Variants in GALNTL6 observed in about 807,000 individuals in gnomAD.
GALNTL6 encodes polypeptide N-acetylgalactosaminyltransferase-like 6.
In GALNTL6, 46 loss-of-function variants were observed where a neutral mutation model predicts 73.7. The ratio of observed to expected loss-of-function variants is 0.62; its 90% CI spans 0.49 to 0.80. The LOEUF is 0.80. GALNTL6 is among the 30% of genes least tolerant of loss of function. The probability of loss-of-function intolerance (pLI) is 0.00; values close to 1 mark genes in which losing one functional copy is unlikely to be tolerated. For missense variants in GALNTL6, 604 were observed against 755.0 expected, an observed-to-expected ratio of 0.80 and a Z score of 2.34; for synonymous variants, 259 against 263.7, an observed-to-expected ratio of 0.98 and a Z score of 0.17.
At chr4:172,528,560 T>G (rs1007450034) in intron 5 of GALNTL6, among the ~76,000 whole-genome samples, 2 of 151,268 alleles carry the variant, frequency 1.3e-5, no homozygotes, top group Non-Finnish European at 2.9e-5. Context: ...TTAGCCAGGA[T>G]GGTCTCGATC....
intron 10 of GALNTL6, among the ~76,000 whole-genome samples, chr4:173,006,855 T>C (rs1024884010): frequency 2.0e-5 from 3 of 152,240 alleles, no homozygotes; most frequent in Non-Finnish European, 2.9e-5. Flanking sequence ...TTCAAAAATG[T>C]CCACCACTTT....
At chr4:172,271,180 T>G (rs1738636752) in intron 3 of GALNTL6, among the ~76,000 whole-genome samples, 1 of 152,172 alleles carries the variant, frequency 6.6e-6, no homozygotes, top group Admixed American at 6.5e-5. Context: ...AAAATATCTT[T>G]ACATGTTATA....
intron 3 of GALNTL6, among the ~76,000 whole-genome samples, chr4:172,239,395 T>G (rs993858018): frequency 6.6e-6 from 1 of 152,232 alleles, no homozygotes; most frequent in Non-Finnish European, 1.5e-5. Flanking sequence ...GTCTTTGTAG[T>G]AGTCTCTGAA....
rs1178990832 is a variant in GALNTL6, at chr4:172,509,709, G to A, written c.553+161020G>A. Among the ~76,000 whole-genome samples the A allele has an allele frequency of 7.3e-5, 4 of 54,528 alleles. 2 individuals are homozygous for A. Among genetic ancestry groups the A allele is most frequent in the South Asian group, 3.7e-3 (2 of 546 alleles). The allele number at this position is 54,528 out of a possible 152,430, so 35.8% of individuals were successfully genotyped here. ...ATTTGTTGAGTAGGGTGTCCTTTCT[G>A]CACTTAATGTTTTTATTTGCTTTGT... On this transcript the variant is annotated intron_variant, in intron 5 of 12. Transcript: ENST00000506823.
At chr4:171,907,825 C>T (rs1227781094) in intron 2 of GALNTL6, among the ~76,000 whole-genome samples, 1 of 151,788 alleles carries the variant, frequency 6.6e-6, no homozygotes, top group Non-Finnish European at 1.5e-5. Flanking sequence ...GAACAGAGCC[C>T]TCAGAAATAA....
At chr4:171,822,739 G>A (rs1180168394) in intron 2 of GALNTL6, among the ~76,000 whole-genome samples, 3 of 152,118 alleles carry the variant, frequency 2.0e-5, no homozygotes, top group African/African-American at 7.2e-5. Context: ...AGGGAAATAA[G>A]CAATTAAACC....
intron 5 of GALNTL6, among the ~76,000 whole-genome samples, chr4:172,430,851 T>C (rs967754571): frequency 6.6e-6 from 1 of 152,030 alleles, no homozygotes; most frequent in African/African-American, 2.4e-5. Flanking sequence ...ATAGGGAAAA[T>C]TATTTTATGA....
At chr4:172,156,540 A>AATATATAT (rs5864120) in intron 2 of GALNTL6, among the ~76,000 whole-genome samples, 10 of 125,184 alleles carry the variant, frequency 8.0e-5, no homozygotes, top group Non-Finnish European at 1.6e-4. Flanking sequence ...ATATATATAT[A>AATATATAT]ATATATATAT....
intron 5 of GALNTL6, among the ~76,000 whole-genome samples, chr4:172,365,729 G>A (rs1465579796): frequency 6.6e-6 from 1 of 151,038 alleles, no homozygotes; most frequent in African/African-American, 2.4e-5. Flanking sequence ...AAATCAAAAT[G>A]TATGTAGTGC....
chr4:172,045,471 G>T (rs1168876608), intron 2 of GALNTL6, among the ~76,000 whole-genome samples: 1 of 151,768 alleles, frequency 6.6e-6, no homozygotes, highest in African/African-American at 2.4e-5. Flanking sequence ...TATAAGTCAG[G>T]TTCTGACATT....
At chr4:172,025,793 G>A (rs965563176) in intron 2 of GALNTL6, among the ~76,000 whole-genome samples, 6 of 151,870 alleles carry the variant, frequency 4.0e-5, no homozygotes, top group African/African-American at 1.5e-4. Flanking sequence ...CCTTTGGTGT[G>A]TGTGTGTGTG....
chr4:171,849,336 T>G lies in GALNTL6; in HGVS notation c.138+34618T>G, dbSNP rs554145575. Reference sequence around the variant, plus strand: ...GTCAGAACACTCGCCATTTATGTATTAAGTTTATGCCTCTTACTATCTTCC... The same window carrying G: ...GTCAGAACACTCGCCATTTATGTATGAAGTTTATGCCTCTTACTATCTTCC... On this transcript the variant is annotated intron_variant, in intron 2 of 12. Transcript: ENST00000506823. Among the ~76,000 whole-genome samples, 27 of 152,306 alleles carry G rather than the reference T, an allele frequency of 1.8e-4. No individual in the cohort carries two copies. The South Asian group carries it at 5.6e-3, about 32-fold the overall frequency.
intron 5 of GALNTL6, among the ~76,000 whole-genome samples, chr4:172,636,413 T>C (rs554301232): frequency 6.6e-6 from 1 of 152,354 alleles, no homozygotes; most frequent in African/African-American, 2.4e-5. Flanking sequence ...AAAGGGACTT[T>C]ACAGGTGTGA....
At chr4:172,544,574 A>G (rs1321603025) in intron 5 of GALNTL6, among the ~76,000 whole-genome samples, 1 of 152,118 alleles carries the variant, frequency 6.6e-6, no homozygotes, top group Non-Finnish European at 1.5e-5. Flanking sequence ...CCTTTCATAC[A>G]TATATATTAT....
chr4:172,937,609 C>A (rs1341016009), intron 9 of GALNTL6, among the ~76,000 whole-genome samples: 3 of 152,230 alleles, frequency 2.0e-5, no homozygotes, highest in Non-Finnish European at 4.4e-5. Context: ...GAAATGCTTA[C>A]TGTGCCAGTC....
intron 2 of GALNTL6, chr4:172,052,483 G>A: frequency 2.0e-6 from 3 of 1,535,132 alleles, no homozygotes; most frequent in South Asian, 1.2e-5. Context: ...GCCACCAGAG[G>A]AATCCAAGCA....
chr4:172,420,613 T>A (rs936318634), intron 5 of GALNTL6, among the ~76,000 whole-genome samples: 7 of 152,076 alleles, frequency 4.6e-5, no homozygotes, highest in Admixed American at 3.9e-4. Context: ...GTACTCTACA[T>A]CCAAAACGGC....
chr4:172,328,266 C>T (rs1463169266), intron 4 of GALNTL6, among the ~76,000 whole-genome samples: 1 of 152,120 alleles, frequency 6.6e-6, no homozygotes, highest in African/African-American at 2.4e-5. Flanking sequence ...TGCTGTTAAC[C>T]TGATGGGGTT....
At chr4:172,734,829 A>G (rs1026772846) in intron 5 of GALNTL6, among the ~76,000 whole-genome samples, 9 of 152,218 alleles carry the variant, frequency 5.9e-5, no homozygotes, top group Admixed American at 2.0e-4. Flanking sequence ...CGCTCCAGCC[A>G]TGGCTAAAAC....
Sources: gnomAD v4.1 joint callset for allele counts (sites outside exome capture counted in the v4.1 genomes callset) on GRCh38, gnomAD v4.1.1 for gene constraint, MANE v1.5 for transcripts, NCBI Gene and HGNC (gene_info 2026-07-23, HGNC 2026-07-21) for gene names.